Variants in TP53BP2 observed in about 807,000 individuals in gnomAD.
TP53BP2 encodes apoptosis-stimulating of p53 protein 2.
A neutral mutation model predicts 126.2 loss-of-function variants in TP53BP2; 62 were observed. The ratio of observed to expected loss-of-function variants is 0.49; its 90% CI spans 0.40 to 0.61. TP53BP2 has a LOEUF of 0.61. TP53BP2 is among the 20% of genes least tolerant of loss of function. The pLI, the probability that TP53BP2 is intolerant of heterozygous loss-of-function variation, is 0.00. For synonymous variants in TP53BP2, 485 were observed against 502.9 expected (o/e 0.96, Z 0.48); for missense variants, 1,215 against 1,402.8 (o/e 0.87, Z 2.14).
intron 1 of TP53BP2, among the ~76,000 whole-genome samples, chr1:223,824,767 T>G (rs1663428983): frequency 6.6e-6 from 1 of 152,082 alleles, no homozygotes; most frequent in Non-Finnish European, 1.5e-5. Context: ...CTACAAGGTC[T>G]GCTGTAGTCA....
chr1:223,814,104 C>T (rs2102865700), intron 3 of TP53BP2, 136 bp downstream of exon 3: 1 of 625,642 alleles, frequency 1.6e-6, no homozygotes, highest in East Asian at 2.7e-5. Flanking sequence ...CCCTCGACAG[C>T]CTATCTCCAC....
intron 15 of TP53BP2, among the ~76,000 whole-genome samples, chr1:223,790,646 C>A (rs1662126535): frequency 6.6e-6 from 1 of 150,846 alleles, no homozygotes. Flanking sequence ...GCTCTGTCAC[C>A]CAGACTGGAG....
intron 5 of TP53BP2, among the ~76,000 whole-genome samples, chr1:223,805,305 A>G (rs1336594114): frequency 6.6e-6 from 1 of 152,104 alleles, no homozygotes; most frequent in African/African-American, 2.4e-5. Flanking sequence ...TGAAGACTAA[A>G]AAGCTTAGAA....
At chr1:223,791,804 C>T (rs1367112697) in intron 15 of TP53BP2, among the ~76,000 whole-genome samples, 5 of 152,026 alleles carry the variant, frequency 3.3e-5, no homozygotes, top group East Asian at 3.8e-4. Context: ...ACAAAATTTG[C>T]TGTCTATTCT....
intron 1 of TP53BP2, among the ~76,000 whole-genome samples, chr1:223,841,644 G>T (rs1226087916): frequency 6.6e-6 from 1 of 152,146 alleles, no homozygotes; most frequent in Non-Finnish European, 1.5e-5. Flanking sequence ...TAAGCTACTG[G>T]TCTGTAGAGC....
rs1170373217 is a variant in TP53BP2, at chr1:223,784,325, G to A, written c.3164-11C>T. ...TCTTCTCCTGAACTCCTAAAATCAT[G>A]ACAGTAAGATAAAGCACAGAATATA... On this transcript the variant is annotated splice_polypyrimidine_tract_variant and intron_variant, in intron 16 of 17. Coordinates refer to ENST00000343537, the MANE Select transcript of TP53BP2 (RefSeq NM_001031685.3). 1 of 1,613,424 alleles carries A rather than the reference G, an allele frequency of 6.2e-7. No individual in the cohort carries two copies. The highest frequency in any genetic ancestry group is 1.7e-5 in the Admixed American group (1 of 60,004).
chr1:223,829,640 T>A (rs1663626652), intron 1 of TP53BP2, among the ~76,000 whole-genome samples: 1 of 151,740 alleles, frequency 6.6e-6, no homozygotes, highest in Non-Finnish European at 1.5e-5. Context: ...TTGTGAGAAA[T>A]CCTACTATTC....
intron 1 of TP53BP2, among the ~76,000 whole-genome samples, chr1:223,822,910 C>A (rs949555559): frequency 6.6e-6 from 1 of 152,078 alleles, no homozygotes; most frequent in Non-Finnish European, 1.5e-5. Flanking sequence ...CCATGCAAGT[C>A]AGTATGTATC....
At position 223,798,682 on chromosome 1, in the gene TP53BP2, A is replaced by C. The variant is rs781256909; in HGVS notation, c.1486-5T>G. On this transcript the variant is annotated splice_polypyrimidine_tract_variant and splice_region_variant and intron_variant, in intron 11 of 17. Transcript: ENST00000343537. ...AGCCACATTTTTATTTGCAACCTAT[A>C]ACACACACATAAAAAGCCAGTTAAA... 10 of 1,586,662 alleles carry C rather than the reference A, an allele frequency of 6.3e-6. No individual in the cohort carries two copies. The highest frequency in any genetic ancestry group is 7.7e-6 in the Non-Finnish European group (9 of 1,166,576).
chr1:223,789,276 G>T, intron 15 of TP53BP2, 102 bp from the exon 16 acceptor site: 2 of 1,361,932 alleles, frequency 1.5e-6, no homozygotes, highest in Non-Finnish European at 2.0e-6. Flanking sequence ...CATCTACCAA[G>T]TTTTCTTCTG....
At chr1:223,843,889 T>C (rs1664186670) in intron 1 of TP53BP2, among the ~76,000 whole-genome samples, 1 of 152,232 alleles carries the variant, frequency 6.6e-6, no homozygotes, top group Non-Finnish European at 1.5e-5. Context: ...TATTTTTATA[T>C]ATCACAAATC....
At position 223,796,088 on chromosome 1, in the gene TP53BP2, C is replaced by T. The variant is rs760206092; in HGVS notation, c.2451G>A (p.Glu817=). 2 of 1,614,090 alleles carry T rather than the reference C, an allele frequency of 1.2e-6. No homozygotes were observed. The highest frequency in any genetic ancestry group is 1.3e-5 in the African/African-American group (1 of 74,914). ...VSLVPESLSP[E]DVGNASTENS... is the part of the protein sequence containing the mutation. ...TCTCTGTACTGGCATTCCCCACATC[C>T]TCTGGGGACAATGATTCAGGAACCA... Residue 817 remains glutamate (E), a synonymous_variant, in exon 13 of 18, where the codon GAG becomes GAA. Transcript: ENST00000343537. The surrounding 1 kb of genome is among the most constrained non-coding windows in gnomAD (Gnocchi z 4.2).
At chr1:223,802,606 A>G in intron 8 of TP53BP2, 125 bp downstream of exon 8, 1 of 1,198,816 alleles carries the variant, frequency 8.3e-7, no homozygotes, top group Non-Finnish European at 1.2e-6. Flanking sequence ...AAGGATCCAT[A>G]AACAGCATCT....
chr1:223,818,432 A>T (rs1663169926), intron 2 of TP53BP2: 1 of 149,886 alleles, frequency 6.7e-6, no homozygotes, highest in Non-Finnish European at 1.5e-5. Context: ...TGAACCCAGG[A>T]GGCGGAAGTT....
chr1:223,831,451 C>A (rs1663706915), intron 1 of TP53BP2, among the ~76,000 whole-genome samples: 2 of 111,072 alleles, frequency 1.8e-5, no homozygotes, highest in African/African-American at 3.3e-5. Context: ...CACATGCACA[C>A]ACATATGTAC....
chr1:223,821,465 T>A, intron 1 of TP53BP2, 98 bp from the exon 2 acceptor site: 1 of 1,499,876 alleles, frequency 6.7e-7, no homozygotes, highest in Non-Finnish European at 9.2e-7. Flanking sequence ...CAGTTGGAAG[T>A]GCAAACGTAC....
At chr1:223,836,074 T>C (rs1017824150) in intron 1 of TP53BP2, among the ~76,000 whole-genome samples, 1 of 152,166 alleles carries the variant, frequency 6.6e-6, no homozygotes, top group African/African-American at 2.4e-5. Flanking sequence ...CCCTCACAAC[T>C]ATAGTCCTGG....
chr1:223,841,891 A>C (rs1348001637), intron 1 of TP53BP2, among the ~76,000 whole-genome samples: 2 of 151,768 alleles, frequency 1.3e-5, no homozygotes, highest in African/African-American at 2.4e-5. Context: ...GCTTTTTAAA[A>C]TAAGCCATTA....
In TP53BP2 at chr1:223,814,391, A is replaced by G. The variant is rs763111517; in HGVS notation, c.176-38T>C. ...AGTAGAAACCACATTATTTTCAGGT[A>G]AAAGAAAGATAAATATATCATTCAC... On this transcript the variant is annotated intron_variant, in intron 2 of 17. Transcript: ENST00000343537. 3.6e-5 allele frequency: 51 copies of G among 1,410,648 alleles called. 2 individuals carry two copies. In the South Asian group the frequency reaches 5.7e-4, roughly 16 times the overall value. 87.4% of individuals were successfully genotyped at this position (1,410,648 alleles called of 1,614,324 possible). A position where few individuals can be genotyped will look rare whatever the true frequency, so the allele number is the denominator to read the frequency against.
Sources: gnomAD v4.1 joint callset for allele counts (sites outside exome capture counted in the v4.1 genomes callset) on GRCh38, gnomAD v4.1.1 for gene constraint, Gnocchi (gnomAD v3.1) non-coding constraint, MANE v1.5 for transcripts, NCBI Gene and HGNC (gene_info 2026-07-23, HGNC 2026-07-21) for gene names.